LOC128125817: variants seen among roughly 807,000 people sequenced by gnomAD.
chr1:41,602,004 G>A, the LOC128125817 span, among the ~76,000 whole-genome samples: 1,142 of 152,056 alleles, frequency 7.5e-3, 14 homozygotes, highest in Middle Eastern at 0.031. Flanking sequence ...AGATGCTCAT[G>A]TGATTTTAAG....
At chr1:41,615,170 T>A in the LOC128125817 span, among the ~76,000 whole-genome samples, 1 of 152,252 alleles carries the variant, frequency 6.6e-6, no homozygotes, top group Admixed American at 6.5e-5. Flanking sequence ...GTTTAAAGGT[T>A]ACTTCTTCCT....
chr1:41,624,413 T>G, the LOC128125817 span, among the ~76,000 whole-genome samples: 1 of 152,232 alleles, frequency 6.6e-6, no homozygotes, highest in Non-Finnish European at 1.5e-5. Flanking sequence ...GGGAACACAC[T>G]GAATATAGCC....
At chr1:41,625,682 C>G in the LOC128125817 span, among the ~76,000 whole-genome samples, 1 of 152,130 alleles carries the variant, frequency 6.6e-6, no homozygotes, top group Non-Finnish European at 1.5e-5. Flanking sequence ...CTGCAGTGAG[C>G]TATGATCACA....
chr1:41,610,947 A>T, the LOC128125817 span, among the ~76,000 whole-genome samples: 2 of 152,184 alleles, frequency 1.3e-5, no homozygotes, highest in Non-Finnish European at 2.9e-5. Context: ...GATGTTGTCA[A>T]GTATGATTTC....
chr1:41,609,639 T>C, the LOC128125817 span, among the ~76,000 whole-genome samples: 780 of 152,356 alleles, frequency 5.1e-3, 12 homozygotes, highest in African/African-American at 0.017. Context: ...GCCTCCCCAC[T>C]AGTTTAGGCC....
the LOC128125817 span, among the ~76,000 whole-genome samples, chr1:41,606,306 T>C: frequency 6.6e-6 from 1 of 152,010 alleles, no homozygotes; most frequent in East Asian, 1.9e-4. Flanking sequence ...CTTCCTACTA[T>C]GAGCAATAAA....
At chr1:41,621,804 C>G in the LOC128125817 span, among the ~76,000 whole-genome samples, 1 of 152,190 alleles carries the variant, frequency 6.6e-6, no homozygotes, top group East Asian at 1.9e-4. Context: ...AGGCCTAAGC[C>G]CCCAGGCCTG....
chr1:41,588,157 G>A, the LOC128125817 span, among the ~76,000 whole-genome samples: 2 of 152,226 alleles, frequency 1.3e-5, no homozygotes, highest in Non-Finnish European at 2.9e-5. Flanking sequence ...AGCACAGAGA[G>A]AACTGCTCTT....
chr1:41,610,278 T>G, the LOC128125817 span, among the ~76,000 whole-genome samples: 9 of 152,336 alleles, frequency 5.9e-5, no homozygotes, highest in East Asian at 1.3e-3. Context: ...CCCCTTACAC[T>G]CAGCCAGTCA....
chr1:41,612,350 T>TA, the LOC128125817 span, among the ~76,000 whole-genome samples: 1 of 152,232 alleles, frequency 6.6e-6, no homozygotes, highest in African/African-American at 2.4e-5. Flanking sequence ...GTGCAGTGAC[T>TA]ACAGCTCACC....
At chr1:41,589,747 G>C in the LOC128125817 span, among the ~76,000 whole-genome samples, 1 of 152,186 alleles carries the variant, frequency 6.6e-6, no homozygotes, top group Non-Finnish European at 1.5e-5. Context: ...GATGTCCAAG[G>C]AGCTGTTAGG....
chr1:41,605,404 CACAT>C, the LOC128125817 span, among the ~76,000 whole-genome samples: 528 of 148,072 alleles, frequency 3.6e-3, 8 homozygotes, highest in African/African-American at 0.013. Flanking sequence ...CACACACACA[CACAT>C]ACATATGTTA....
the LOC128125817 span, among the ~76,000 whole-genome samples, chr1:41,605,375 GCACA>G: frequency 0.019 from 2,363 of 126,582 alleles, 24 homozygotes; most frequent in Admixed American, 0.027. Context: ...ACGCACACGC[GCACA>G]CACACACACA....
the LOC128125817 span, among the ~76,000 whole-genome samples, chr1:41,588,435 C>G: frequency 6.6e-6 from 1 of 152,096 alleles, no homozygotes; most frequent in East Asian, 1.9e-4. Context: ...CTTAGTCCTG[C>G]CTTCTCCCCT....
the LOC128125817 span, among the ~76,000 whole-genome samples, chr1:41,619,716 C>T: frequency 6.6e-6 from 1 of 152,100 alleles, no homozygotes; most frequent in Admixed American, 6.5e-5. Context: ...AGAGCCAGGG[C>T]TCCAGGGAGG....
chr1:41,617,929 C>T, the LOC128125817 span, among the ~76,000 whole-genome samples: 64 of 152,188 alleles, frequency 4.2e-4, no homozygotes, highest in Non-Finnish European at 7.6e-4. Context: ...GGGCAATGAC[C>T]GCACCAGGCT....
At chr1:41,608,512 T>C in the LOC128125817 span, among the ~76,000 whole-genome samples, 1 of 152,192 alleles carries the variant, frequency 6.6e-6, no homozygotes, top group Non-Finnish European at 1.5e-5. Context: ...CAACTGTACT[T>C]GCTCTTCTGA....
At chr1:41,620,989 AGCCCCACACCT>A in the LOC128125817 span, among the ~76,000 whole-genome samples, 1 of 152,204 alleles carries the variant, frequency 6.6e-6, no homozygotes, top group African/African-American at 2.4e-5. Flanking sequence ...ATAACTGGTC[AGCCCCACACCT>A]GCAAGTAATT....
chr1:41,595,886 C>T, the LOC128125817 span, among the ~76,000 whole-genome samples: 1 of 152,214 alleles, frequency 6.6e-6, no homozygotes, highest in Non-Finnish European at 1.5e-5. Context: ...TCCTTGCTTG[C>T]AGACGGCCTA....
Sources: gnomAD v4.1 joint callset for allele counts (sites outside exome capture counted in the v4.1 genomes callset) on GRCh38, gnomAD v4.1.1 for gene constraint, MANE v1.5 for transcripts.